HS3ST4: variants seen among roughly 807,000 people sequenced by gnomAD.
HS3ST4 encodes the protein heparan sulfate glucosamine 3-O-sulfotransferase 4.
In HS3ST4, 17 loss-of-function variants were observed where a neutral mutation model predicts 29.2. The observed-to-expected ratio is 0.58, with a 90% CI of 0.40 to 0.87. The LOEUF (loss-of-function observed/expected upper bound fraction) is 0.87. Ranked by LOEUF, HS3ST4 falls within the 40% of genes least tolerant of loss-of-function variation. The pLI is 0.00. For synonymous variants in HS3ST4, 314 were observed against 285.7 expected (o/e 1.10, Z -1.00); for missense variants, 627 against 634.5 (o/e 0.99, Z 0.13).
intron 1 of HS3ST4, among the ~76,000 whole-genome samples, chr16:26,075,093 T>C (rs887548454): frequency 2.0e-5 from 3 of 152,132 alleles, no homozygotes; most frequent in Non-Finnish European, 4.4e-5. Context: ...CGCAGGAGGC[T>C]GAGGCAGGAG....
intron 1 of HS3ST4, among the ~76,000 whole-genome samples, chr16:26,050,207 T>A (rs1898322666): frequency 6.6e-6 from 1 of 152,142 alleles, no homozygotes; most frequent in Admixed American, 6.5e-5. Context: ...ACCAGTCCTC[T>A]CATTAATATA....
At chr16:25,858,168 C>G (rs537814457) in intron 1 of HS3ST4, among the ~76,000 whole-genome samples, 1 of 151,668 alleles carries the variant, frequency 6.6e-6, no homozygotes, top group South Asian at 2.1e-4. Context: ...CCAAACTCCA[C>G]TTTATAATCA....
chr16:26,095,794 C>T (rs903550609), intron 1 of HS3ST4, among the ~76,000 whole-genome samples: 1 of 152,016 alleles, frequency 6.6e-6, no homozygotes, highest in African/African-American at 2.4e-5. Context: ...GATAGACACA[C>T]AAAAAATCCT....
intron 1 of HS3ST4, among the ~76,000 whole-genome samples, chr16:25,722,746 G>T (rs926370865): frequency 6.6e-6 from 1 of 152,172 alleles, no homozygotes; most frequent in East Asian, 1.9e-4. Context: ...CCTGGGATGA[G>T]TTATTGACCT....
chr16:26,072,916 T>G (rs1267613456), intron 1 of HS3ST4, among the ~76,000 whole-genome samples: 1 of 152,220 alleles, frequency 6.6e-6, no homozygotes, highest in Admixed American at 6.5e-5. Context: ...AGTTGTTCAT[T>G]GTAGTAGAAA....
chr16:25,943,398 A>T (rs1968593387), intron 1 of HS3ST4, among the ~76,000 whole-genome samples: 1 of 152,194 alleles, frequency 6.6e-6, no homozygotes, highest in Non-Finnish European at 1.5e-5. Flanking sequence ...CACAGTGCTT[A>T]ACCACTATGT....
At chr16:25,700,402 A>G (rs528761403) in intron 1 of HS3ST4, among the ~76,000 whole-genome samples, 130 of 152,286 alleles carry the variant, frequency 8.5e-4, no homozygotes, top group African/African-American at 3.0e-3. Flanking sequence ...AACCGAAGGC[A>G]TTTGGGAATG....
At chr16:25,958,579 C>T (rs1359077978) in intron 1 of HS3ST4, among the ~76,000 whole-genome samples, 1 of 152,202 alleles carries the variant, frequency 6.6e-6, no homozygotes, top group Non-Finnish European at 1.5e-5. Flanking sequence ...GATCCACCTT[C>T]CTTGGCCTCC....
chr16:26,061,925 G>A (rs1898480590), intron 1 of HS3ST4, among the ~76,000 whole-genome samples: 2 of 152,036 alleles, frequency 1.3e-5, no homozygotes, highest in African/African-American at 4.8e-5. Flanking sequence ...TCTCCTTCTG[G>A]CTCCTATAAA....
chr16:26,115,336 G>A (rs574694570), intron 1 of HS3ST4, among the ~76,000 whole-genome samples: 2 of 150,948 alleles, frequency 1.3e-5, no homozygotes, highest in South Asian at 4.3e-4. Context: ...ACATGAGAGA[G>A]TAGGTTTTTC....
chr16:26,091,098 T>C (rs1218598115), intron 1 of HS3ST4, among the ~76,000 whole-genome samples: 1 of 152,154 alleles, frequency 6.6e-6, no homozygotes, highest in Admixed American at 6.5e-5. Context: ...ACCACTAAGG[T>C]AGACCAAAGA....
intron 1 of HS3ST4, among the ~76,000 whole-genome samples, chr16:25,726,840 G>T (rs1236158488): frequency 6.6e-6 from 1 of 152,144 alleles, no homozygotes; most frequent in Non-Finnish European, 1.5e-5. Flanking sequence ...GTGACGTTTA[G>T]CATTGCATTT....
intron 1 of HS3ST4, among the ~76,000 whole-genome samples, chr16:25,697,991 A>T (rs1235014554): frequency 1.3e-5 from 2 of 152,088 alleles, no homozygotes; most frequent in African/African-American, 2.4e-5. Flanking sequence ...CATTTCTACA[A>T]GGTTGCTAGA....
intron 1 of HS3ST4, among the ~76,000 whole-genome samples, chr16:26,005,797 T>C (rs1288009470): frequency 6.6e-6 from 1 of 152,040 alleles, no homozygotes; most frequent in Non-Finnish European, 1.5e-5. Context: ...AGACCAGGAT[T>C]TCTCAACTCT....
intron 1 of HS3ST4, among the ~76,000 whole-genome samples, chr16:25,961,023 A>G (rs1968788641): frequency 6.6e-6 from 1 of 152,204 alleles, no homozygotes; most frequent in Non-Finnish European, 1.5e-5. Flanking sequence ...CTGATAGTCC[A>G]AAGTATACTT....
chr16:25,844,343 G>A (rs1477871334), intron 1 of HS3ST4, among the ~76,000 whole-genome samples: 1 of 151,728 alleles, frequency 6.6e-6, no homozygotes, highest in Non-Finnish European at 1.5e-5. Flanking sequence ...ATTCATCCAG[G>A]GATTCTTTAC....
intron 1 of HS3ST4, among the ~76,000 whole-genome samples, chr16:25,808,875 TATAGTG>T (rs1289605074): frequency 1.3e-5 from 2 of 152,190 alleles, no homozygotes; most frequent in South Asian, 2.1e-4. Flanking sequence ...AGTTGTAAAT[TATAGTG>T]TGATTAATTT....
chr16:25,984,352 C>G (rs1031480425), intron 1 of HS3ST4, among the ~76,000 whole-genome samples: 2 of 152,148 alleles, frequency 1.3e-5, no homozygotes, highest in Non-Finnish European at 1.5e-5. Context: ...ACCTAGATCC[C>G]TCTCATGCAC....
intron 1 of HS3ST4, among the ~76,000 whole-genome samples, chr16:25,823,097 C>T (rs1300024573): frequency 6.6e-6 from 1 of 152,124 alleles, no homozygotes; most frequent in Non-Finnish European, 1.5e-5. Flanking sequence ...GCAATTCAAG[C>T]CCCAGCTTCT....
Sources: allele counts gnomAD v4.1 joint callset (sites outside exome capture counted in the v4.1 genomes callset), GRCh38; gene constraint gnomAD v4.1.1; transcripts MANE v1.5; gene names NCBI Gene and HGNC (gene_info 2026-07-23, HGNC 2026-07-21).